Variants in GLYATL1 observed in about 807,000 individuals in gnomAD.
The protein encoded by GLYATL1 is glycine N-acyltransferase-like protein 1.
A neutral mutation model predicts 20.0 loss-of-function variants in GLYATL1; 15 were observed. The observed-to-expected ratio is 0.75, with a 90% CI of 0.50 to 1.15. The LOEUF is 1.15. Among genes scored for constraint, GLYATL1 ranks in the 50% most tolerant of loss-of-function variants. The pLI, the probability that GLYATL1 is intolerant of heterozygous loss-of-function variation, is 0.00. For missense variants in GLYATL1, 380 were observed against 368.5 expected, an observed-to-expected ratio of 1.03 and a Z score of -0.26; for synonymous variants, 151 against 131.5, an observed-to-expected ratio of 1.15 and a Z score of -1.01.
At chr11:58,909,236 G>T (rs1300898926), downstream of GLYATL1, among the ~76,000 whole-genome samples, 1 of 152,154 alleles carries the variant, frequency 6.6e-6, no homozygotes, top group African/African-American at 2.4e-5. Flanking sequence ...GTCAGGGGCT[G>T]GGAAGAGAGG....
At chr11:58,946,187 A>C (rs1231923303) in intron 2 of GLYATL1, among the ~76,000 whole-genome samples, 2 of 152,248 alleles carry the variant, frequency 1.3e-5, no homozygotes, top group Non-Finnish European at 2.9e-5. Flanking sequence ...CAATTAAAAA[A>C]ACTAACATAT....
upstream of GLYATL1, among the ~76,000 whole-genome samples, chr11:58,927,344 C>G (rs1458212402): frequency 6.6e-6 from 1 of 152,254 alleles, no homozygotes; most frequent in African/African-American, 2.4e-5. Flanking sequence ...TGGGATGTCA[C>G]TTGTAAACAA....
chr11:58,946,936 T>C, intron 2 of GLYATL1, 110 bp from the exon 3 acceptor site: 1 of 804,610 alleles, frequency 1.2e-6, no homozygotes, highest in Non-Finnish European at 2.2e-6. Context: ...AGAATGAATA[T>C]GATACTAACA....
chr11:58,955,701 C>T lies in GLYATL1; in HGVS notation c.583C>T (p.Leu195=), dbSNP rs369810477. 23 of 1,614,170 alleles carry T rather than the reference C, an allele frequency of 1.4e-5. No individual in the cohort carries two copies. The highest frequency in any genetic ancestry group is 1.9e-5 in the Non-Finnish European group (23 of 1,180,040). ...GAAGCGAGGGAAGAATGAGAGGAGCCTGCATTACATCAAGCGCTGCATAGA... is the reference window on the plus strand; with the variant it reads ...GAAGCGAGGGAAGAATGAGAGGAGCTTGCATTACATCAAGCGCTGCATAGA... ...NWKRGKNERS[L]HYIKRCIEDL... The change falls in exon 7 of 7, where the codon CTG becomes TTG. Residue 195 remains leucine (L), a synonymous_variant. Transcript: ENST00000532726.
At position 58,946,669 on chromosome 11, in the gene GLYATL1, A is replaced by G. The variant is rs533535; in HGVS notation, c.-42-377A>G. On this transcript the variant is annotated intron_variant, in intron 2 of 6. Transcript: ENST00000532726. ...TGTTCTTAGAGGGCTGATATTTTCT[A>G]TTGCAGATGAAAGAAGAATTCTCAG... 3.9e-3 allele frequency: 848 copies of G among 218,146 alleles called. 5 individuals carry two copies. The highest frequency in any genetic ancestry group is 0.019 in the African/African-American group (796 of 42,946). 13.5% of individuals were successfully genotyped at this position (218,146 alleles called of 1,614,324 possible). A position where few individuals can be genotyped will look rare whatever the true frequency, so the allele number is the denominator to read the frequency against.
upstream of GLYATL1, chr11:58,935,055 T>G (rs1013215548): frequency 6.5e-6 from 1 of 153,122 alleles, no homozygotes; most frequent in African/African-American, 2.4e-5. Flanking sequence ...GGGGCTGGCT[T>G]GAAACCTGGA....
rs1857389164 is a variant in GLYATL1 at position 58,955,934 on chromosome 11, C to T, written c.816C>T (p.Asp272=). 1.2e-6 allele frequency: 2 copies of T among 1,614,050 alleles called. No homozygotes were observed. Among genetic ancestry groups the T allele is most frequent in the African/African-American group, 1.3e-5 (1 of 74,928 alleles). The change falls in exon 7 of 7, where the codon GAC becomes GAT. Residue 272 remains aspartate, a synonymous_variant. Transcript: ENST00000532726. ...TCTCTGTGTTGGAAGAAAATGAAGA[C>T]TCCCGCAGATTTGTGGGGCAGTTTG... ...FYISVLEENE[D]SRRFVGQFGF...
intron 4 of GLYATL1, among the ~76,000 whole-genome samples, chr11:58,953,725 A>C (rs1430843404): frequency 6.6e-6 from 1 of 152,102 alleles, no homozygotes; most frequent in Non-Finnish European, 1.5e-5. Flanking sequence ...TTTGGGTTTG[A>C]CCATATTCAG....
At chr11:58,921,322 T>G (rs1297061094) in intron 1 of GLYATL1, among the ~76,000 whole-genome samples, 2 of 152,186 alleles carry the variant, frequency 1.3e-5, no homozygotes, top group African/African-American at 4.8e-5. Context: ...TACCAAGTGT[T>G]CAGTCCTGGT....
chr11:58,905,849 T>A (rs952328548), intron 1 of GLYATL1, among the ~76,000 whole-genome samples: 6 of 152,236 alleles, frequency 3.9e-5, no homozygotes, highest in Non-Finnish European at 7.3e-5. Flanking sequence ...CTTCAATCAC[T>A]GTCTGGAGTG....
intron 1 of GLYATL1, among the ~76,000 whole-genome samples, chr11:58,931,864 C>T (rs1187064735): frequency 6.6e-6 from 1 of 151,752 alleles, no homozygotes; most frequent in Non-Finnish European, 1.5e-5. Flanking sequence ...ATTTGCAAAA[C>T]ACTTTGGAAG....
In GLYATL1 at chr11:58,943,615, C is replaced by T. The variant is rs776115289; in HGVS notation, c.-94C>T. The T allele has an allele frequency of 5.6e-6, 9 of 1,613,542 alleles. No homozygotes were observed. The East Asian group carries it at 1.8e-4, about 32-fold the overall frequency. Reference sequence around the variant, plus strand: ...AGCGCGAAGTGAACACGGAAGGTACCTGCAGGATCCAATTGTGTCCATTGA... The same window carrying T: ...AGCGCGAAGTGAACACGGAAGGTACTTGCAGGATCCAATTGTGTCCATTGA... On this transcript the variant is annotated 5_prime_UTR_variant, in exon 2 of 7. Transcript: ENST00000532726.
chr11:58,930,109 T>A (rs75106130), intron 1 of GLYATL1, among the ~76,000 whole-genome samples: 7 of 71,254 alleles, frequency 9.8e-5, no homozygotes, highest in South Asian at 4.8e-4. Flanking sequence ...TAAAAAAAAA[T>A]TTTTTTCCAA....
At chr11:58,942,851 G>A (rs524526) in intron 1 of GLYATL1, among the ~76,000 whole-genome samples, 1 of 152,070 alleles carries the variant, frequency 6.6e-6, no homozygotes, top group Non-Finnish European at 1.5e-5. Flanking sequence ...GGTCCACAGA[G>A]GAGACTGAGA....
upstream of GLYATL1, among the ~76,000 whole-genome samples, chr11:58,926,072 CAT>C (rs1334964340): frequency 6.6e-6 from 1 of 152,126 alleles, no homozygotes; most frequent in Non-Finnish European, 1.5e-5. Flanking sequence ...GATACACACA[CAT>C]ATCTTAGTTT....
At chr11:58,933,612 G>T (rs1357622175) in intron 1 of GLYATL1, 2 of 151,700 alleles carry the variant, frequency 1.3e-5, no homozygotes, top group African/African-American at 2.4e-5. Context: ...ATTTTTTTAG[G>T]TTCAGCTATT....
chr11:58,945,585 G>T (rs1856511591), intron 2 of GLYATL1, among the ~76,000 whole-genome samples: 1 of 152,138 alleles, frequency 6.6e-6, no homozygotes, highest in Admixed American at 6.5e-5. Flanking sequence ...GATATAGCAT[G>T]GTAGATCTTG....
intron 4 of GLYATL1, among the ~76,000 whole-genome samples, chr11:58,948,465 C>T (rs992649169): frequency 6.6e-6 from 1 of 152,054 alleles, no homozygotes; most frequent in Non-Finnish European, 1.5e-5. Flanking sequence ...ATAGTGAGAC[C>T]TCATCTCTAC....
At chr11:58,949,761 T>A (rs966017538) in intron 4 of GLYATL1, among the ~76,000 whole-genome samples, 1 of 152,106 alleles carries the variant, frequency 6.6e-6, no homozygotes, top group African/African-American at 2.4e-5. Flanking sequence ...TTCCATAGCA[T>A]ACCATGTTTC....
Sources: allele counts gnomAD v4.1 joint callset (sites outside exome capture counted in the v4.1 genomes callset), GRCh38; gene constraint gnomAD v4.1.1; transcripts MANE v1.5; gene names NCBI Gene and HGNC (gene_info 2026-07-23, HGNC 2026-07-21).